Variants in SASH1 observed in about 807,000 individuals in gnomAD.
The protein encoded by SASH1 is SAM and SH3 domain containing 1.
Under a neutral mutation model 125.2 loss-of-function variants are expected in SASH1, and 44 were observed. The ratio of observed to expected loss-of-function variants is 0.35; its 90% confidence interval spans 0.28 to 0.45. The LOEUF (loss-of-function observed/expected upper bound fraction) is 0.45. Ranked by LOEUF, SASH1 falls within the 20% of genes least tolerant of loss-of-function variation. The probability of loss-of-function intolerance (pLI) is 1.00; values close to 1 mark genes in which losing one functional copy is unlikely to be tolerated. For missense variants in SASH1, 1,426 were observed against 1,614.5 expected (o/e 0.88, Z 2.00); for synonymous variants, 639 against 649.1 (o/e 0.98, Z 0.24).
At chr6:148,392,505 GC>G (rs1172942890) in intron 2 of SASH1, among the ~76,000 whole-genome samples, 1 of 152,152 alleles carries the variant, frequency 6.6e-6, no homozygotes, top group Non-Finnish European at 1.5e-5. Context: ...AAGGGACTCA[GC>G]AAGTGGTTGG....
At chr6:148,446,080 A>G (rs1210496658) in intron 4 of SASH1, among the ~76,000 whole-genome samples, 4 of 133,794 alleles carry the variant, frequency 3.0e-5, no homozygotes, top group South Asian at 2.5e-4. Flanking sequence ...CCTGAACAAC[A>G]TAGGGTTCTT....
In SASH1 at chr6:148,424,252, G is replaced by T. The variant is rs182777409; in HGVS notation, c.286-15932G>T. 3.7e-3 allele frequency among the ~76,000 whole-genome samples: 555 copies of T among 151,246 alleles called. 13 individuals carry two copies. Among genetic ancestry groups the T allele is most frequent in the Admixed American group, 0.034 (522 of 15,224 alleles). On this transcript the variant is annotated intron_variant, in intron 2 of 19. Transcript: ENST00000367467. ...TTCTTCTTTTTTTTTTTTGGGGGGG[G>T]GAGGTGGGACAGGGTCTCGCTCTGT...
Position 148,495,350 on chromosome 6 carries a change from A to G in SASH1, c.729+7635A>G, listed in dbSNP as rs1445127238. Among the ~76,000 whole-genome samples, 1 of 152,188 alleles carries G rather than the reference A, an allele frequency of 6.6e-6. No homozygotes were observed. The highest frequency in any genetic ancestry group is 1.5e-5 in the Non-Finnish European group (1 of 68,034). On this transcript the variant is annotated intron_variant, in intron 8 of 19. Transcript: ENST00000367467. The surrounding 1 kb of genome is among the most constrained non-coding windows in gnomAD (Gnocchi z 4.0). ...TGGAGCAGAGTGGCAGCATCCTTCT[A>G]CTTGTATAACCACTGTCGTCTTTTA... is the stretch of plus-strand genomic sequence containing the variant.
chr6:148,398,947 A>G (rs1381108079), intron 2 of SASH1, among the ~76,000 whole-genome samples: 1 of 152,194 alleles, frequency 6.6e-6, no homozygotes, highest in Non-Finnish European at 1.5e-5. Flanking sequence ...TTTTTTGCAC[A>G]TGGCACTATG....
intron 1 of SASH1, among the ~76,000 whole-genome samples, chr6:148,316,944 G>C (rs185000318): frequency 6.6e-6 from 1 of 152,314 alleles, no homozygotes; most frequent in Non-Finnish European, 1.5e-5. Flanking sequence ...TGAGACTGCT[G>C]TGCTTAAAAC....
At position 148,298,265 on chromosome 6, in the gene SASH1, G is replaced by A. The variant is rs567196124; in HGVS notation, n.74+25888G>A. ...TGACCTTGGGTGATCTGCCCACCACGGCCTCCCAAAGTTCTGGGATTATAG... is the reference window on the plus strand; with the variant it reads ...TGACCTTGGGTGATCTGCCCACCACAGCCTCCCAAAGTTCTGGGATTATAG... On this transcript the variant is annotated intron_variant and non_coding_transcript_variant, in intron 1 of 3. Transcript: ENST00000367469. Among the ~76,000 whole-genome samples the A allele has an allele frequency of 7.2e-5, 11 of 152,118 alleles. No individual in the cohort carries two copies. In the East Asian group the frequency reaches 7.8e-4, roughly 11 times the overall value.
At chr6:148,446,088 C>CTTTTTTTTTTTTTTTTTTTTTTTTT (rs576798745) in intron 4 of SASH1, among the ~76,000 whole-genome samples, 2 of 71,012 alleles carry the variant, frequency 2.8e-5, no homozygotes, top group Admixed American at 2.0e-4. Flanking sequence ...ACATAGGGTT[C>CTTTTTTTTTTTTTTTTTTTTTTTTT]TTTTTTTTTT....
chr6:148,302,544 T>C (rs866170433), intron 1 of SASH1, among the ~76,000 whole-genome samples: 5 of 151,406 alleles, frequency 3.3e-5, no homozygotes, highest in African/African-American at 1.2e-4. Flanking sequence ...CATGCTGCTT[T>C]ATTCTCAAAC....
intron 6 of SASH1, among the ~76,000 whole-genome samples, chr6:148,473,330 G>A (rs1778197452): frequency 6.6e-6 from 1 of 152,016 alleles, no homozygotes; most frequent in Non-Finnish European, 1.5e-5. Context: ...TTGGCTCACT[G>A]CAACCTTCAC....
chr6:148,492,428 A>G (rs1279873862), intron 8 of SASH1, among the ~76,000 whole-genome samples: 1 of 152,208 alleles, frequency 6.6e-6, no homozygotes, highest in Non-Finnish European at 1.5e-5. Context: ...CCCTTGCTAT[A>G]TAGCAGGCAT....
At chr6:148,241,403 T>C in the SASH1 span, among the ~76,000 whole-genome samples, 1 of 152,210 alleles carries the variant, frequency 6.6e-6, no homozygotes, top group African/African-American at 2.4e-5. Context: ...GCTGAAGTCA[T>C]ACATTTTGCA....
At chr6:148,515,738 G>A (rs894951182) in intron 9 of SASH1, among the ~76,000 whole-genome samples, 2 of 152,114 alleles carry the variant, frequency 1.3e-5, no homozygotes, top group Non-Finnish European at 2.9e-5. Flanking sequence ...ACCCTGTGGC[G>A]GCCCTTACCG....
the SASH1 span, among the ~76,000 whole-genome samples, chr6:148,212,076 C>T: frequency 6.6e-6 from 1 of 152,152 alleles, no homozygotes. Flanking sequence ...CACTGGGAGA[C>T]ACTTTGATAG....
intron 1 of SASH1, among the ~76,000 whole-genome samples, chr6:148,355,279 G>T (rs1781887488): frequency 6.6e-6 from 1 of 152,244 alleles, no homozygotes; most frequent in Middle Eastern, 3.4e-3. Flanking sequence ...GTCTACTGGG[G>T]TATGGTCATT....
At chr6:148,277,675 T>C (rs986804270) in intron 1 of SASH1, among the ~76,000 whole-genome samples, 17 of 152,140 alleles carry the variant, frequency 1.1e-4, no homozygotes, top group Non-Finnish European at 1.8e-4. Context: ...TGAAGAACCA[T>C]CTATTTTGAC....
the SASH1 span, among the ~76,000 whole-genome samples, chr6:148,267,169 T>C: frequency 6.6e-6 from 1 of 152,190 alleles, no homozygotes; most frequent in Admixed American, 6.5e-5. Context: ...AAAAGCACTT[T>C]GTATGTCTTA....
intron 2 of SASH1, among the ~76,000 whole-genome samples, chr6:148,423,826 T>A (rs2473558): frequency 4.6e-5 from 7 of 151,980 alleles, no homozygotes; most frequent in African/African-American, 1.7e-4. Context: ...TTGCCAACTT[T>A]GGAAGGTCGT....
chr6:148,545,228 A>C (rs563803408), intron 18 of SASH1, among the ~76,000 whole-genome samples: 1 of 152,354 alleles, frequency 6.6e-6, no homozygotes, highest in East Asian at 1.9e-4. Flanking sequence ...ATTCAAAAAA[A>C]ATGAGATCTA....
chr6:148,377,529 G>A (rs1204603069), intron 1 of SASH1, among the ~76,000 whole-genome samples: 1 of 152,170 alleles, frequency 6.6e-6, no homozygotes, highest in East Asian at 1.9e-4. Flanking sequence ...AAAATTATCA[G>A]CAATAAATGT....
Sources: allele counts gnomAD v4.1 joint callset (sites outside exome capture counted in the v4.1 genomes callset), GRCh38; gene constraint gnomAD v4.1.1; non-coding constraint Gnocchi (gnomAD v3.1); transcripts MANE v1.5; gene names NCBI Gene and HGNC (gene_info 2026-07-23, HGNC 2026-07-21).